The following SLC12A7 variants were observed in gnomAD, a reference collection of about 807,000 sequenced individuals.
The protein encoded by SLC12A7 is K-Cl cotransporter 4.
A neutral mutation model predicts 120.6 loss-of-function variants in SLC12A7; 100 were observed. That is an observed-to-expected ratio of 0.83 (90% CI 0.71 to 0.98). The LOEUF is 0.98. SLC12A7 is among the 50% of genes least tolerant of loss of function. The pLI is 0.00. For synonymous variants in SLC12A7, 760 were observed against 678.0 expected (o/e 1.12, Z -1.88); for missense variants, 1,373 against 1,548.1 (o/e 0.89, Z 1.90).
At chr5:1,137,221 AC>A in the SLC12A7 span, among the ~76,000 whole-genome samples, 6 of 151,858 alleles carry the variant, frequency 4.0e-5, no homozygotes, top group Non-Finnish European at 8.8e-5. Context: ...AGGCGGGGCC[AC>A]CTGTGCCCTC....
the SLC12A7 span, among the ~76,000 whole-genome samples, chr5:1,121,981 C>G: frequency 6.6e-6 from 1 of 152,186 alleles, no homozygotes; most frequent in Admixed American, 6.5e-5. Flanking sequence ...GCTGCAGGCA[C>G]GAAGCGGGGA....
At chr5:1,086,870 G>A (rs778878822) in intron 6 of SLC12A7, 33 bp downstream of exon 6, 1 of 1,606,874 alleles carries the variant, frequency 6.2e-7, no homozygotes, top group Non-Finnish European at 8.5e-7. Context: ...CACAGACTGT[G>A]GGGTGGGAAC....
chr5:1,052,242 G>A lies in SLC12A7; in HGVS notation c.*118C>T, dbSNP rs773638768. On this transcript the variant is annotated 3_prime_UTR_variant, in exon 24 of 24. Coordinates refer to ENST00000264930, the MANE Select transcript of SLC12A7 (RefSeq NM_006598.3). ...CCGTAGGAAGCCCCATGGGCAGCTT[G>A]GGCGGCATCACTGGGGGACAGGTGT... is the stretch of plus-strand genomic sequence containing the variant. The A allele has an allele frequency of 2.3e-6, 2 of 853,588 alleles. No homozygotes were observed. The highest frequency in any genetic ancestry group is 1.4e-5 in the South Asian group (1 of 71,970). The allele number at this position is 853,588 out of a possible 1,614,324, so 52.9% of individuals were successfully genotyped here.
the SLC12A7 span, among the ~76,000 whole-genome samples, chr5:1,130,619 G>GCGGCTGCCCGCGCAGGTCCCCTCACCTCC: frequency 2.5e-4 from 38 of 150,690 alleles, no homozygotes; most frequent in African/African-American, 7.6e-4. Flanking sequence ...CTTAGCCAGG[G>GCGGCTGCCCGCGCAGGTCCCCTCACCTCC]TGGGGGCAGC....
At chr5:1,082,846 G>GGAAAGTCCA (rs1739346041) in intron 8 of SLC12A7, among the ~76,000 whole-genome samples, 1 of 145,122 alleles carries the variant, frequency 6.9e-6, no homozygotes, top group Non-Finnish European at 1.5e-5. Context: ...TGGAAAGCCT[G>GGAAAGTCCA]GGCTTCCCGT....
At position 1,064,089 on chromosome 5, in the gene SLC12A7, C is replaced by T; in HGVS notation, c.2601G>A (p.Gln867=). The change falls in exon 19 of 24, where the codon CAG becomes CAA. Residue 867 remains glutamine (Q), a synonymous_variant. Coordinates refer to ENST00000264930, the MANE Select transcript of SLC12A7 (RefSeq NM_006598.3). ...MLMLLPFLLR[Q]HKVWRKCRMR... is the part of the protein sequence containing the mutation. ...TCCCCGTCGCACGCCCCACCTTGTG[C>T]TGGCGCAGCAGGAAGGGCAGCAGCA... The T allele has an allele frequency of 6.2e-7, 1 of 1,606,254 alleles. No homozygotes were observed. Among genetic ancestry groups the T allele is most frequent in the Non-Finnish European group, 8.5e-7 (1 of 1,175,742 alleles).
At chr5:1,052,502 G>C (rs540895744) in intron 23 of SLC12A7, 51 bp from the exon 24 acceptor site, 2 of 1,474,338 alleles carry the variant, frequency 1.4e-6, no homozygotes, top group Non-Finnish European at 1.9e-6. Flanking sequence ...AGCGTGTGTA[G>C]CTGAAATCGT....
intron 1 of SLC12A7, among the ~76,000 whole-genome samples, chr5:1,100,297 C>T (rs577512564): frequency 1.2e-4 from 19 of 152,320 alleles, no homozygotes; most frequent in African/African-American, 2.9e-4. Context: ...GACACGCCGT[C>T]GGAATTAAAA....
At chr5:1,067,331 G>A (rs1737163755) in intron 17 of SLC12A7, among the ~76,000 whole-genome samples, 2 of 152,254 alleles carry the variant, frequency 1.3e-5, no homozygotes, top group South Asian at 4.1e-4. Context: ...CTGCGGGGTG[G>A]ACACAGCCGT....
At position 1,051,890 on chromosome 5, in the gene SLC12A7, G is replaced by A. The variant is rs905890284; in HGVS notation, c.*470C>T. On this transcript the variant is annotated 3_prime_UTR_variant, in exon 24 of 24. Transcript: ENST00000264930. ...GAACAGAGTGACTCGGAGGTGACCG[G>A]GGCCCTGAGCGGAGCCATGGCCAGG... is the stretch of plus-strand genomic sequence containing the variant. The A allele has an allele frequency of 7.2e-5, 12 of 167,602 alleles. No individual in the cohort carries two copies. The highest frequency in any genetic ancestry group is 1.3e-4 in the Non-Finnish European group (10 of 78,362). The allele number at this position is 167,602 out of a possible 1,614,324, so 10.4% of individuals were successfully genotyped here. A position where few individuals can be genotyped will look rare whatever the true frequency, so the allele number is the denominator to read the frequency against.
chr5:1,062,123 CA>C (rs1393593907), intron 20 of SLC12A7, among the ~76,000 whole-genome samples: 1 of 152,096 alleles, frequency 6.6e-6, no homozygotes, highest in East Asian at 1.9e-4. Flanking sequence ...TCAGAGCTAA[CA>C]ACCCCTGCTC....
the SLC12A7 span, among the ~76,000 whole-genome samples, chr5:1,153,554 T>C: frequency 6.6e-6 from 1 of 152,292 alleles, no homozygotes; most frequent in South Asian, 2.1e-4. Flanking sequence ...CTCAGGACCC[T>C]GTCCATGCCT....
At chr5:1,140,410 A>G in the SLC12A7 span, among the ~76,000 whole-genome samples, 1 of 152,232 alleles carries the variant, frequency 6.6e-6, no homozygotes, top group African/African-American at 2.4e-5. Flanking sequence ...CGGGTCTGGA[A>G]GACACTGGTA....
chr5:1,080,660 G>A (rs546921073), intron 9 of SLC12A7, among the ~76,000 whole-genome samples: 13 of 152,336 alleles, frequency 8.5e-5, no homozygotes, highest in African/African-American at 2.4e-4. Context: ...GTGTGTGTGC[G>A]ACTCGAAGAG....
intron 12 of SLC12A7, 34 bp from the exon 13 acceptor site, chr5:1,076,846 G>T: frequency 7.1e-7 from 1 of 1,401,752 alleles, no homozygotes; most frequent in Non-Finnish European, 1.0e-6. Flanking sequence ...TGGGGCAGAT[G>T]ACACCACCCT....
the SLC12A7 span, among the ~76,000 whole-genome samples, chr5:1,130,341 G>A: frequency 6.6e-6 from 1 of 152,298 alleles, no homozygotes; most frequent in Middle Eastern, 3.4e-3. Flanking sequence ...CACCCAGCGA[G>A]GACAGGAGGA....
intron 1 of SLC12A7, among the ~76,000 whole-genome samples, chr5:1,102,963 G>T (rs1326434558): frequency 2.6e-5 from 4 of 152,142 alleles, no homozygotes; most frequent in Non-Finnish European, 5.9e-5. Flanking sequence ...CTGGAGGCTG[G>T]GCTCCCTGTG....
At chr5:1,078,613 G>T in intron 11 of SLC12A7, 88 bp downstream of exon 11, 1 of 1,090,980 alleles carries the variant, frequency 9.2e-7, no homozygotes, top group East Asian at 2.5e-5. Flanking sequence ...TGAAGTCCTA[G>T]GGCGATGTAA....
chr5:1,149,111 G>A, the SLC12A7 span, among the ~76,000 whole-genome samples: 1 of 142,906 alleles, frequency 7.0e-6, no homozygotes, highest in Non-Finnish European at 1.5e-5. Context: ...ACCCAGAAGG[G>A]GGACTGTGGA....
Sources: gnomAD v4.1 joint callset for allele counts (sites outside exome capture counted in the v4.1 genomes callset) on GRCh38, gnomAD v4.1.1 for gene constraint, MANE v1.5 for transcripts, NCBI Gene and HGNC (gene_info 2026-07-23, HGNC 2026-07-21) for gene names.